Variants in CEP85L observed in about 807,000 individuals in gnomAD.
CEP85L encodes centrosomal protein 85L, also known as centrosomal protein of 85 kDa-like.
Under a neutral mutation model 100.3 loss-of-function variants are expected in CEP85L, and 60 were observed. The ratio of observed to expected loss-of-function variants is 0.60; its 90% CI spans 0.49 to 0.74. The LOEUF is 0.74. CEP85L is among the 30% of genes least tolerant of loss of function. The probability of loss-of-function intolerance (pLI) is 0.00; values close to 1 mark genes in which losing one functional copy is unlikely to be tolerated. For missense variants in CEP85L, 973 were observed against 936.2 expected, an observed-to-expected ratio of 1.04 and a Z score of -0.51; for synonymous variants, 319 against 322.7, an observed-to-expected ratio of 0.99 and a Z score of 0.12.
intron 3 of CEP85L, among the ~76,000 whole-genome samples, chr6:118,551,663 A>G (rs1461702197): frequency 1.3e-5 from 2 of 152,040 alleles, no homozygotes; most frequent in African/African-American, 4.8e-5. Context: ...CTTTAACATG[A>G]GAAGCACTTC....
chr6:118,551,370 G>A (rs370820097), intron 3 of CEP85L, among the ~76,000 whole-genome samples: 2 of 140,402 alleles, frequency 1.4e-5, no homozygotes, highest in East Asian at 3.9e-4. Flanking sequence ...ATTAATAGGG[G>A]GTATATTTAT....
intron 2 of CEP85L, among the ~76,000 whole-genome samples, chr6:118,593,539 C>T (rs764576940): frequency 9.2e-5 from 14 of 151,918 alleles, no homozygotes; most frequent in Admixed American, 2.0e-4. Flanking sequence ...TCACGAGAAC[C>T]GCACTAGGGG....
intron 4 of CEP85L, among the ~76,000 whole-genome samples, chr6:118,522,632 C>CT (rs1208751757): frequency 1.3e-5 from 2 of 152,080 alleles, no homozygotes; most frequent in African/African-American, 4.8e-5. Flanking sequence ...AATCCTAGCA[C>CT]TTTGAGAGAC....
intron 1 of CEP85L, among the ~76,000 whole-genome samples, chr6:118,687,660 T>C (rs1478397848): frequency 2.0e-5 from 3 of 152,142 alleles, no homozygotes; most frequent in African/African-American, 7.2e-5. Context: ...GTCCCCTCCC[T>C]TTGTATGGGA....
intron 3 of CEP85L, chr6:118,538,125 G>A (rs559207764): frequency 6.9e-5 from 14 of 201,790 alleles, no homozygotes; most frequent in Non-Finnish European, 1.1e-4. Context: ...ATTATTTATG[G>A]AGTGCATTAT....
intron 3 of CEP85L, among the ~76,000 whole-genome samples, chr6:118,527,005 T>TTTC (rs1052102805): frequency 2.1e-5 from 2 of 97,364 alleles, no homozygotes; most frequent in African/African-American, 7.1e-5. Flanking sequence ...ACTTTTTCTT[T>TTTC]TTTTTTTTTT....
In CEP85L at chr6:118,526,020, A is replaced by C. The variant is rs566363754; in HGVS notation, c.1021-2100T>G. Among the ~76,000 whole-genome samples, 17 of 152,352 alleles carry C rather than the reference A, an allele frequency of 1.1e-4. No homozygotes were observed. The South Asian group carries it at 3.5e-3, about 32-fold the overall frequency. ...AATATTAGGATGGGATGTTTCATGC[A>C]GGAGACAGGATAGGATGAACAGACT... On this transcript the variant is annotated intron_variant, in intron 3 of 12. Transcript: ENST00000368491.
intron 3 of CEP85L, among the ~76,000 whole-genome samples, chr6:118,555,896 G>A (rs565551155): frequency 6.6e-6 from 1 of 151,628 alleles, no homozygotes; most frequent in South Asian, 2.1e-4. Flanking sequence ...GTGAGAACCT[G>A]TGGTATTTGG....
intron 3 of CEP85L, among the ~76,000 whole-genome samples, chr6:118,530,346 T>C (rs1045851028): frequency 4.0e-5 from 6 of 149,940 alleles, no homozygotes; most frequent in Admixed American, 6.6e-5. Context: ...GAACTAGGCA[T>C]TGAAGGAACA....
At chr6:118,650,873 C>T (rs903681669) in intron 1 of CEP85L, among the ~76,000 whole-genome samples, 1 of 152,204 alleles carries the variant, frequency 6.6e-6, no homozygotes, top group Non-Finnish European at 1.5e-5. Context: ...AGGTCACACA[C>T]CCCACGAGTA....
intron 1 of CEP85L, among the ~76,000 whole-genome samples, chr6:118,672,364 ATTAAAG>A (rs766927685): frequency 3.7e-4 from 57 of 152,236 alleles, no homozygotes; most frequent in Admixed American, 1.0e-3. Flanking sequence ...TCTTTTAATT[ATTAAAG>A]TTAATTTTTT....
intron 2 of CEP85L, among the ~76,000 whole-genome samples, chr6:118,626,693 A>G (rs958831871): frequency 1.3e-5 from 2 of 152,122 alleles, no homozygotes; most frequent in African/African-American, 4.8e-5. Context: ...ACTCTGCTCA[A>G]TAAAACCTAC....
At chr6:118,695,316 C>A (rs1448470210) in intron 1 of CEP85L, among the ~76,000 whole-genome samples, 1 of 152,164 alleles carries the variant, frequency 6.6e-6, no homozygotes, top group Non-Finnish European at 1.5e-5. Context: ...GCAAATGGAT[C>A]ATTAGAAGTA....
chr6:118,492,777 A>C (rs137983951), intron 5 of CEP85L, among the ~76,000 whole-genome samples: 1,567 of 152,278 alleles, frequency 0.01, 29 homozygotes, highest in African/African-American at 0.036. Context: ...TGTGTCATAC[A>C]CAAAAAGACC....
chr6:118,497,057 C>A (rs1484422778), intron 5 of CEP85L, among the ~76,000 whole-genome samples: 1 of 152,098 alleles, frequency 6.6e-6, no homozygotes, highest in Non-Finnish European at 1.5e-5. Flanking sequence ...CATTAATTCC[C>A]AACCATAAAA....
At chr6:118,600,523 T>C (rs1040071254) in intron 2 of CEP85L, among the ~76,000 whole-genome samples, 3 of 151,758 alleles carry the variant, frequency 2.0e-5, no homozygotes, top group African/African-American at 7.3e-5. Context: ...GGTTTCACCA[T>C]ATTGGTCAGG....
rs1470175603 is a variant in CEP85L at position 118,475,347 on chromosome 6, A to ATATC, written c.1914+4523_1914+4524insGATA. Among the ~76,000 whole-genome samples the ATATC allele has an allele frequency of 1.6e-3, 123 of 79,002 alleles. 13 individuals are homozygous for ATATC. Among genetic ancestry groups the ATATC allele is most frequent in the Middle Eastern group, 6.6e-3 (1 of 152 alleles). The allele number at this position is 79,002 out of a possible 152,430, so 51.8% of individuals were successfully genotyped here. Reference sequence around the variant, plus strand: ...AAAAGGTGGGTGAATTGTAGGTGACATTTTTTTTTTTTTTTTTTTTTTTTT... The same window carrying ATATC: ...AAAAGGTGGGTGAATTGTAGGTGACATATCTTTTTTTTTTTTTTTTTTTTTTTTT... On this transcript the variant is annotated intron_variant, in intron 10 of 12. Coordinates refer to ENST00000368491, the MANE Select transcript of CEP85L (RefSeq NM_001042475.3).
At chr6:118,687,773 C>T (rs1362006083) in intron 1 of CEP85L, among the ~76,000 whole-genome samples, 2 of 152,172 alleles carry the variant, frequency 1.3e-5, no homozygotes, top group Admixed American at 1.3e-4. Flanking sequence ...TGCTGTTTGC[C>T]GCCGTTGCAG....
At chr6:118,527,314 TAACA>T (rs1254940645) in intron 3 of CEP85L, among the ~76,000 whole-genome samples, 1 of 152,058 alleles carries the variant, frequency 6.6e-6, no homozygotes, top group African/African-American at 2.4e-5. Flanking sequence ...TCTACTTTCT[TAACA>T]AACGTGCTTT....
Sources: allele counts gnomAD v4.1 joint callset (sites outside exome capture counted in the v4.1 genomes callset), GRCh38; gene constraint gnomAD v4.1.1; transcripts MANE v1.5; gene names NCBI Gene and HGNC (gene_info 2026-07-23, HGNC 2026-07-21).